The following CSRNP3 variants were observed in gnomAD, a reference collection of about 807,000 sequenced individuals.
The protein encoded by CSRNP3 is cysteine and serine rich nuclear protein 3.
Under a neutral mutation model 48.0 loss-of-function variants are expected in CSRNP3, and 12 were observed. The observed-to-expected ratio is 0.25, with a 90% confidence interval of 0.16 to 0.41. The LOEUF (loss-of-function observed/expected upper bound fraction) is 0.41, where lower values mean the gene tolerates loss of function less well. CSRNP3 is among the 10% of genes least tolerant of loss of function. CSRNP3 has a pLI of 1.00. For synonymous variants in CSRNP3, 263 were observed against 269.7 expected, an observed-to-expected ratio of 0.98 and a Z score of 0.24; for missense variants, 580 against 724.4, an observed-to-expected ratio of 0.80 and a Z score of 2.29.
At chr2:165,490,617 C>G (rs2105456896) in intron 1 of CSRNP3, among the ~76,000 whole-genome samples, 1 of 143,912 alleles carries the variant, frequency 6.9e-6, no homozygotes, top group African/African-American at 2.6e-5. Context: ...ATCAATGGAA[C>G]AGAACAGAGC....
At chr2:165,552,935 A>T (rs1300102165) in intron 3 of CSRNP3, among the ~76,000 whole-genome samples, 1 of 151,976 alleles carries the variant, frequency 6.6e-6, no homozygotes, top group Admixed American at 6.6e-5. Flanking sequence ...CTCAGATGAT[A>T]TGCCTACCTC....
chr2:165,652,993 C>T (rs1686939773), intron 4 of CSRNP3, among the ~76,000 whole-genome samples: 1 of 152,176 alleles, frequency 6.6e-6, no homozygotes, highest in African/African-American at 2.4e-5. Context: ...GCACAAATTA[C>T]TAGGTAGGTA....
At chr2:165,673,922 G>A (rs796181811) in intron 5 of CSRNP3, among the ~76,000 whole-genome samples, 1 of 152,128 alleles carries the variant, frequency 6.6e-6, no homozygotes, top group African/African-American at 2.4e-5. Flanking sequence ...TCAGGAGGCT[G>A]AGGCAGGAGA....
chr2:165,613,727 T>C (rs1287860018), intron 4 of CSRNP3, among the ~76,000 whole-genome samples: 1 of 152,046 alleles, frequency 6.6e-6, no homozygotes, highest in Non-Finnish European at 1.5e-5. Flanking sequence ...GGATTTCTAT[T>C]TGGGTCTTCT....
chr2:165,476,020 A>G (rs1472009439), intron 1 of CSRNP3, among the ~76,000 whole-genome samples: 3 of 152,206 alleles, frequency 2.0e-5, no homozygotes, highest in East Asian at 1.9e-4. Flanking sequence ...TTATATTAAT[A>G]TATAATACAA....
chr2:165,679,566 C>T lies in CSRNP3; in HGVS notation c.1571C>T (p.Ser524Phe). The T allele has an allele frequency of 2.5e-6, 4 of 1,613,926 alleles. No homozygotes were observed. The highest frequency in any genetic ancestry group is 3.4e-6 in the Non-Finnish European group (4 of 1,179,968). The change falls in exon 7 of 7, where the codon TCC becomes TTC. Residue 524 changes from serine (S) to phenylalanine (F), a missense_variant. Transcript: ENST00000651982. Reference protein sequence around the residue: ...PCNSLYPEHRSNHPQVEFHSY... With the variant: ...PCNSLYPEHRFNHPQVEFHSY... ...AATAGTTTATATCCTGAACACAGGT[C>T]CAATCACCCTCAAGTGGAATTTCAC...
At chr2:165,641,681 T>G (rs1041988741) in intron 4 of CSRNP3, among the ~76,000 whole-genome samples, 1 of 152,062 alleles carries the variant, frequency 6.6e-6, no homozygotes, top group Non-Finnish European at 1.5e-5. Flanking sequence ...AAATTTAGAG[T>G]TATTGAAGCC....
intron 3 of CSRNP3, among the ~76,000 whole-genome samples, chr2:165,587,863 A>T (rs1478726154): frequency 6.6e-6 from 1 of 152,200 alleles, no homozygotes; most frequent in Non-Finnish European, 1.5e-5. Context: ...GGTAAATGAG[A>T]TGAATAGGAT....
chr2:165,526,547 A>T (rs757279618), intron 3 of CSRNP3, among the ~76,000 whole-genome samples: 1 of 152,236 alleles, frequency 6.6e-6, no homozygotes, highest in African/African-American at 2.4e-5. Context: ...CATTTGCTCT[A>T]TAATGGTCAT....
chr2:165,490,830 C>T (rs28793424), intron 1 of CSRNP3, among the ~76,000 whole-genome samples: 120,507 of 127,440 alleles, frequency 0.95, 57,188 homozygotes, highest in East Asian at 1. Flanking sequence ...ACGTTAGACC[C>T]AAAAGCATAA....
intron 4 of CSRNP3, among the ~76,000 whole-genome samples, chr2:165,603,580 C>T (rs983105715): frequency 4.6e-5 from 7 of 152,004 alleles, no homozygotes; most frequent in Admixed American, 2.6e-4. Context: ...TAGCACTCAC[C>T]GCTTGTCTTT....
At chr2:165,569,182 C>T (rs1357097733) in intron 3 of CSRNP3, among the ~76,000 whole-genome samples, 1 of 151,946 alleles carries the variant, frequency 6.6e-6, no homozygotes, top group African/African-American at 2.4e-5. Flanking sequence ...TTGAGGTTGA[C>T]GTAGCCAATT....
Position 165,518,972 on chromosome 2 carries a change from A to G in CSRNP3, c.-24+1011A>G, listed in dbSNP as rs548105555. 3.3e-5 allele frequency among the ~76,000 whole-genome samples: 5 copies of G among 152,194 alleles called. No individual in the cohort carries two copies. The South Asian group carries it at 1.0e-3, about 32-fold the overall frequency. On this transcript the variant is annotated intron_variant, in intron 3 of 6. Coordinates refer to ENST00000651982, the MANE Select transcript of CSRNP3 (RefSeq NM_001172173.2). Reference sequence around the variant, plus strand: ...AACATATAATTAAACAGACAAGCCAAATTTTATAAGGGCATGTAATTAATT... The same window carrying G: ...AACATATAATTAAACAGACAAGCCAGATTTTATAAGGGCATGTAATTAATT...
intron 1 of CSRNP3, among the ~76,000 whole-genome samples, chr2:165,482,832 C>T (rs187140638): frequency 6.6e-6 from 1 of 152,208 alleles, no homozygotes; most frequent in African/African-American, 2.4e-5. Context: ...TATACTTTCA[C>T]CTTATATTCC....
chr2:165,479,334 C>A (rs993906706), intron 1 of CSRNP3, among the ~76,000 whole-genome samples: 7 of 152,082 alleles, frequency 4.6e-5, no homozygotes, highest in African/African-American at 1.4e-4. Flanking sequence ...TATCAAAAGT[C>A]ATGAAAGTCC....
At chr2:165,567,237 G>A (rs1385921729) in intron 3 of CSRNP3, among the ~76,000 whole-genome samples, 1 of 152,036 alleles carries the variant, frequency 6.6e-6, no homozygotes, top group African/African-American at 2.4e-5. Flanking sequence ...AATCATTACA[G>A]TCAACATTTA....
intron 3 of CSRNP3, among the ~76,000 whole-genome samples, chr2:165,528,657 G>C (rs1684771038): frequency 6.6e-6 from 1 of 152,080 alleles, no homozygotes; most frequent in Non-Finnish European, 1.5e-5. Context: ...GTTCATTTCT[G>C]GTTTCTCTAT....
At chr2:165,471,198 A>C (rs1365902571) in intron 1 of CSRNP3, among the ~76,000 whole-genome samples, 1 of 152,074 alleles carries the variant, frequency 6.6e-6, no homozygotes, top group African/African-American at 2.4e-5. Flanking sequence ...GTTAAGTGTC[A>C]TAATGAACCA....
intron 5 of CSRNP3, among the ~76,000 whole-genome samples, chr2:165,673,815 G>A (rs953195326): frequency 2.0e-5 from 3 of 152,110 alleles, no homozygotes; most frequent in Admixed American, 2.0e-4. Flanking sequence ...GAGGTCAGGA[G>A]TTCGAGACCA....
Sources: gnomAD v4.1 joint callset for allele counts (sites outside exome capture counted in the v4.1 genomes callset) on GRCh38, gnomAD v4.1.1 for gene constraint, MANE v1.5 for transcripts, NCBI Gene and HGNC (gene_info 2026-07-23, HGNC 2026-07-21) for gene names.